SHISA5: variants seen among roughly 807,000 people sequenced by gnomAD.
The protein encoded by SHISA5 is protein shisa-5.
Under a neutral mutation model 27.5 loss-of-function variants are expected in SHISA5, and 21 were observed. The observed-to-expected ratio is 0.76, with a 90% confidence interval of 0.54 to 1.10. The LOEUF (loss-of-function observed/expected upper bound fraction) is 1.10. SHISA5 is among the 50% of genes least tolerant of loss of function. The pLI is 0.00. For missense variants in SHISA5, 314 were observed against 336.3 expected (o/e 0.93, Z 0.52); for synonymous variants, 137 against 142.2 (o/e 0.96, Z 0.26).
intron 2 of SHISA5, among the ~76,000 whole-genome samples, chr3:48,480,185 G>A (rs1447472944): frequency 6.6e-6 from 1 of 150,434 alleles, no homozygotes; most frequent in Non-Finnish European, 1.5e-5. Flanking sequence ...TTACAGGCGT[G>A]AGCCACCACG....
intron 3 of SHISA5, among the ~76,000 whole-genome samples, chr3:48,478,019 G>T (rs151334721): frequency 6.6e-6 from 1 of 152,168 alleles, no homozygotes; most frequent in Non-Finnish European, 1.5e-5. Flanking sequence ...GGTCCCCAGC[G>T]CTCCCAGAAC....
chr3:48,479,115 C>A, intron 3 of SHISA5, 62 bp downstream of exon 3: 4 of 1,456,442 alleles, frequency 2.7e-6, no homozygotes, highest in Non-Finnish European at 2.8e-6. Flanking sequence ...GCACACTGGC[C>A]CCCCTGAGCC....
chr3:48,477,061 A>G, intron 3 of SHISA5: 2 of 449,106 alleles, frequency 4.5e-6, no homozygotes, highest in Non-Finnish European at 8.9e-6. Flanking sequence ...CTTGTTCCGC[A>G]CTGTCTCCTC....
chr3:48,495,678 CG>C (rs1337204763), intron 2 of SHISA5, among the ~76,000 whole-genome samples: 1 of 146,812 alleles, frequency 6.8e-6, no homozygotes. Flanking sequence ...CATGCCACCA[CG>C]CCTGGCTAAT....
chr3:48,489,838 C>G (rs1446613224), intron 2 of SHISA5, among the ~76,000 whole-genome samples: 2 of 151,918 alleles, frequency 1.3e-5, no homozygotes, highest in Non-Finnish European at 2.9e-5. Flanking sequence ...CTATATTGCC[C>G]AGGCTGGTCT....
At chr3:48,497,259 C>T (rs2041581297) in intron 2 of SHISA5, among the ~76,000 whole-genome samples, 2 of 136,568 alleles carry the variant, frequency 1.5e-5, no homozygotes, top group East Asian at 4.5e-4. Context: ...GCTTCCAGAA[C>T]AAGTTTTTTT....
At chr3:48,476,341 CA>C (rs1250491645) in intron 3 of SHISA5, among the ~76,000 whole-genome samples, 1,507 of 62,332 alleles carry the variant, frequency 0.024, 8 homozygotes, top group Non-Finnish European at 0.034. Flanking sequence ...AACTCCATCT[CA>C]AAAAAAAAAA....
At chr3:48,499,396 C>T (rs2041682242) in intron 2 of SHISA5, among the ~76,000 whole-genome samples, 1 of 151,760 alleles carries the variant, frequency 6.6e-6, no homozygotes, top group African/African-American at 2.4e-5. Flanking sequence ...AAAAGAAATA[C>T]CATCAGGCGC....
rs761714127 is a variant in SHISA5, at chr3:48,468,860, GA to G, written c.*246del. ...CTTTGAGTTTGGCTTGAGATTTTAG[GA>G]AGCATAATTTCAGGTGAGGAAGAGA... On this transcript the variant is annotated 3_prime_UTR_variant, in exon 6 of 6. Transcript: ENST00000296444. 6.6e-6 allele frequency: 10 copies of G among 1,521,542 alleles called. No homozygotes were observed. Among genetic ancestry groups the G allele is most frequent in the Non-Finnish European group, 8.8e-6 (10 of 1,137,740 alleles). The allele number at this position is 1,521,542 out of a possible 1,614,324, so 94.3% of individuals were successfully genotyped here.
At position 48,469,975 on chromosome 3, in the gene SHISA5, G is replaced by A. The variant is rs2040548671; in HGVS notation, c.315-132C>T. 5 of 1,202,784 alleles carry A rather than the reference G, an allele frequency of 4.2e-6. No homozygotes were observed. In the South Asian group the frequency reaches 7.7e-5, roughly 19 times the overall value. The allele number at this position is 1,202,784 out of a possible 1,614,324, so 74.5% of individuals were successfully genotyped here. A position where few individuals can be genotyped will look rare whatever the true frequency, so the allele number is the denominator to read the frequency against. On this transcript the variant is annotated intron_variant, in intron 3 of 5. Coordinates refer to ENST00000296444, the MANE Select transcript of SHISA5 (RefSeq NM_016479.6). The surrounding 1 kb of genome is among the most constrained non-coding windows in gnomAD (Gnocchi z 4.6). ...GTTATAGCTACTTCCTTGTCGGGTG[G>A]CCTGCACCTGTTTCAATCTGTTTCC...
intron 2 of SHISA5, among the ~76,000 whole-genome samples, chr3:48,498,740 A>G (rs1380724762): frequency 6.6e-6 from 1 of 151,800 alleles, no homozygotes; most frequent in Non-Finnish European, 1.5e-5. Context: ...GTAACAGTCG[A>G]AGAAAAATAT....
intron 2 of SHISA5, among the ~76,000 whole-genome samples, chr3:48,499,214 C>T (rs960893311): frequency 6.6e-6 from 1 of 151,848 alleles, no homozygotes; most frequent in African/African-American, 2.4e-5. Context: ...CACTCTGTTG[C>T]CCAGGCTGGA....
chr3:48,502,952 T>G (rs2041799402), intron 1 of SHISA5: 1 of 435,174 alleles, frequency 2.3e-6, no homozygotes, highest in Non-Finnish European at 4.3e-6. Context: ...AGACACCAAG[T>G]GACCTCCTTG....
At chr3:48,486,928 A>G (rs1256329453) in intron 2 of SHISA5, among the ~76,000 whole-genome samples, 2 of 150,672 alleles carry the variant, frequency 1.3e-5, no homozygotes, top group Middle Eastern at 3.2e-3. Flanking sequence ...CTCAAAAAAA[A>G]AAAAAAGAAA....
Position 48,483,806 on chromosome 3 carries a change from G to T in SHISA5, c.234-4549C>A, listed in dbSNP as rs112532054. ...TCCCTCCCGGACGGGGCGGCTGGCCGGGCGGGGGGCTGACCCCCCCACCTC... is the reference window on the plus strand; with the variant it reads ...TCCCTCCCGGACGGGGCGGCTGGCCTGGCGGGGGGCTGACCCCCCCACCTC... On this transcript the variant is annotated intron_variant, in intron 2 of 5. Transcript: ENST00000296444. Among the ~76,000 whole-genome samples the T allele has an allele frequency of 2.7e-5, 4 of 149,246 alleles. No individual in the cohort carries two copies. In the South Asian group the frequency reaches 6.4e-4, roughly 24 times the overall value.
chr3:48,468,100 CAGG>C lies in SHISA5; in HGVS notation c.*1004_*1006del, dbSNP rs2040422800. 1.0e-6 allele frequency: 1 copy of C among 969,912 alleles called. No individual in the cohort carries two copies. Among genetic ancestry groups the C allele is most frequent in the African/African-American group, 1.8e-5 (1 of 56,868 alleles). 60.1% of individuals were successfully genotyped at this position (969,912 alleles called of 1,614,324 possible). Reference sequence around the variant, plus strand: ...TGCCAGAACACCGTGGACTGGGGTACAGGAGTTGTTGCATATTCCATGAGGCTG... The same window carrying C: ...TGCCAGAACACCGTGGACTGGGGTACAGTTGTTGCATATTCCATGAGGCTG... On this transcript the variant is annotated 3_prime_UTR_variant, in exon 6 of 6. Transcript: ENST00000296444.
intron 2 of SHISA5, among the ~76,000 whole-genome samples, chr3:48,479,786 T>G (rs561644804): frequency 3.8e-4 from 58 of 152,252 alleles, no homozygotes; most frequent in African/African-American, 1.3e-3. Context: ...AGAGACAGTG[T>G]TTCACCATAT....
At position 48,468,982 on chromosome 3, in the gene SHISA5, C is replaced by T. The variant is rs751746765; in HGVS notation, c.*125G>A. 13 of 1,572,432 alleles carry T rather than the reference C, an allele frequency of 8.3e-6. No individual in the cohort carries two copies. The highest frequency in any genetic ancestry group is 1.1e-5 in the Non-Finnish European group (13 of 1,156,830). ...ATACAGGCAGGACACACACAGCACA[C>T]ATGGGGCGTAAGGAACCGTGCCTGG... is the stretch of plus-strand genomic sequence containing the variant. On this transcript the variant is annotated 3_prime_UTR_variant, in exon 6 of 6. Coordinates refer to ENST00000296444, the MANE Select transcript of SHISA5 (RefSeq NM_016479.6).
chr3:48,501,604 C>A (rs2041756950), intron 1 of SHISA5, among the ~76,000 whole-genome samples: 1 of 152,144 alleles, frequency 6.6e-6, no homozygotes, highest in African/African-American at 2.4e-5. Context: ...CTCAAACCTC[C>A]CCTAATTCCC....
Sources: allele counts gnomAD v4.1 joint callset (sites outside exome capture counted in the v4.1 genomes callset), GRCh38; gene constraint gnomAD v4.1.1; non-coding constraint Gnocchi (gnomAD v3.1); transcripts MANE v1.5; gene names NCBI Gene and HGNC (gene_info 2026-07-23, HGNC 2026-07-21).